ZPR1: variants seen among roughly 807,000 people sequenced by gnomAD.
ZPR1 encodes the protein ZPR1 zinc finger.
Under a neutral mutation model 59.6 loss-of-function variants are expected in ZPR1, and 37 were observed. The ratio of observed to expected loss-of-function variants is 0.62; its 90% CI spans 0.48 to 0.82. The LOEUF is 0.82. Ranked by LOEUF, ZPR1 falls within the 40% of genes least tolerant of loss-of-function variation. The probability of loss-of-function intolerance (pLI) is 0.00; values close to 1 mark genes in which losing one functional copy is unlikely to be tolerated. For synonymous variants in ZPR1, 191 were observed against 215.2 expected, an observed-to-expected ratio of 0.89 and a Z score of 0.99; for missense variants, 527 against 579.9, an observed-to-expected ratio of 0.91 and a Z score of 0.94.
chr11:116,784,704 A>T (rs1024160044), intron 8 of ZPR1, 151 bp downstream of exon 8: 6 of 942,774 alleles, frequency 6.4e-6, no homozygotes, highest in Non-Finnish European at 1.0e-5. Flanking sequence ...TTGAACACAA[A>T]ACCCAAGGTA....
In ZPR1 at chr11:116,775,456, CA is replaced by C. The variant is rs556748837; in HGVS notation, c.*3468del. 0.034 allele frequency: 2,315 copies of C among 68,002 alleles called. 43 individuals carry two copies. Among genetic ancestry groups the C allele is most frequent in the African/African-American group, 0.1 (2,000 of 19,348 alleles). The allele number at this position is 68,002 out of a possible 1,614,324, so 4.2% of individuals were successfully genotyped here. ...CTGGGTGACAGAGCAAGACTGTCTCCAAAAAAAAAAAAAAAAAAAAAATTAG... is the reference window on the plus strand; with the variant it reads ...CTGGGTGACAGAGCAAGACTGTCTCCAAAAAAAAAAAAAAAAAAAAATTAG... On this transcript the variant is annotated 3_prime_UTR_variant, in exon 14 of 14. Coordinates refer to ENST00000227322, the MANE Select transcript of ZPR1 (RefSeq NM_003904.5).
At chr11:116,786,721 C>A in intron 3 of ZPR1, 140 bp from the exon 4 acceptor site, 1 of 750,806 alleles carries the variant, frequency 1.3e-6, no homozygotes, top group South Asian at 1.6e-5. Context: ...GTGCAAGGTT[C>A]CATTCATGTC....
chr11:116,785,953 G>A, intron 4 of ZPR1, 71 bp from the exon 5 acceptor site: 1 of 1,363,200 alleles, frequency 7.3e-7, no homozygotes, highest in South Asian at 1.2e-5. Flanking sequence ...TCATGCCCAT[G>A]TTACTTCCAT....
chr11:116,782,597 C>A (rs963334880), intron 11 of ZPR1, among the ~76,000 whole-genome samples: 1 of 152,168 alleles, frequency 6.6e-6, no homozygotes, highest in Non-Finnish European at 1.5e-5. Context: ...GCTAAGTCAA[C>A]CCATACATGT....
At chr11:116,786,427 TAGTC>T (rs1940887156) in intron 4 of ZPR1, 80 bp downstream of exon 4, 15 of 1,492,600 alleles carry the variant, frequency 1.0e-5, no homozygotes, top group African/African-American at 1.4e-5. Flanking sequence ...TTCCAACACT[TAGTC>T]AGAGACTCTT....
chr11:116,784,307 T>A lies in ZPR1; in HGVS notation c.891+71A>T, dbSNP rs977884313. On this transcript the variant is annotated intron_variant, in intron 9 of 13. Transcript: ENST00000227322. ...CCCTGCCCCCGAGTACTGAAGTACTTAGGAAGAATGATAGTTAAAAGGGGG... is the reference window on the plus strand; with the variant it reads ...CCCTGCCCCCGAGTACTGAAGTACTAAGGAAGAATGATAGTTAAAAGGGGG... 7 of 1,533,368 alleles carry A rather than the reference T, an allele frequency of 4.6e-6. No individual in the cohort carries two copies. In the Admixed American group the frequency reaches 1.0e-4, roughly 22 times the overall value. 95.0% of individuals were successfully genotyped at this position (1,533,368 alleles called of 1,614,324 possible).
At chr11:116,786,451 G>A in intron 4 of ZPR1, 60 bp downstream of exon 4, 2 of 1,586,644 alleles carry the variant, frequency 1.3e-6, no homozygotes, top group East Asian at 2.2e-5. Context: ...TCAGACACAT[G>A]GGACACTCTA....
chr11:116,787,839 C>A lies in ZPR1; in HGVS notation c.152G>T (p.Cys51Phe). Reference sequence around the variant, plus strand: ...CCTCACATTGCAGTAACAGTTCATGCATAGCGACTCGATCTCGGTGGGCTG... The same window carrying A: ...CCTCACATTGCAGTAACAGTTCATGAATAGCGACTCGATCTCGGTGGGCTG... ...EQQPTEIESL[C>F]MNCYCNGMTR... is the part of the protein sequence containing the mutation. The change falls in exon 1 of 14, where the codon TGC becomes TTC. Residue 51 changes from cysteine to phenylalanine, a missense_variant. By Grantham distance (205) the Cys-to-Phe change is radical (BLOSUM62 -2). Transcript: ENST00000227322. 6.4e-7 allele frequency: 1 copy of A among 1,558,512 alleles called. No homozygotes were observed. The highest frequency in any genetic ancestry group is 1.4e-5 in the African/African-American group (1 of 73,544).
chr11:116,786,606 G>A (rs781238239), intron 3 of ZPR1, 25 bp from the exon 4 acceptor site: 3 of 1,602,494 alleles, frequency 1.9e-6, no homozygotes, highest in East Asian at 4.5e-5. Flanking sequence ...CAAAAGACAA[G>A]TGTGACTTAG....
chr11:116,786,628 C>T (rs1418413685), intron 3 of ZPR1, 47 bp from the exon 4 acceptor site: 1 of 1,531,996 alleles, frequency 6.5e-7, no homozygotes, highest in Non-Finnish European at 9.0e-7. Context: ...CTCAGCTCTG[C>T]TATCAAGTCC....
Position 116,787,576 on chromosome 11 carries a change from C to A in ZPR1, c.239G>T (p.Cys80Phe). The part of the protein sequence containing the change: ...FREIIVSSFS[C>F]EHCGWNNTEI... ...CGTGTTGTTCCAGCCACAGTGCTCG[C>A]AGGAAAAGGAGCTCACTATTATTTC... The change falls in exon 2 of 14, where the codon TGC (cysteine) becomes TTC (phenylalanine). Residue 80 changes from cysteine (C) to phenylalanine (F), a missense_variant. Cys to Phe is a radical substitution (Grantham distance 205). Coordinates refer to ENST00000227322, the MANE Select transcript of ZPR1 (RefSeq NM_003904.5). 6.2e-7 allele frequency: 1 copy of A among 1,614,230 alleles called. No individual in the cohort carries two copies. Among genetic ancestry groups the A allele is most frequent in the South Asian group, 1.1e-5 (1 of 91,088 alleles).
intron 13 of ZPR1, among the ~76,000 whole-genome samples, 162 bp downstream of exon 13, chr11:116,779,610 C>T (rs1940773932): frequency 6.6e-6 from 1 of 151,928 alleles, no homozygotes; most frequent in Non-Finnish European, 1.5e-5. Flanking sequence ...AATCCCCTCC[C>T]ACACCCCCCT....
At chr11:116,784,476 T>C in intron 8 of ZPR1, 28 bp from the exon 9 acceptor site, 1 of 1,608,554 alleles carries the variant, frequency 6.2e-7, no homozygotes, top group Non-Finnish European at 8.5e-7. Context: ...GGAAATCTAC[T>C]TCCAGGCGAA....
intron 12 of ZPR1, among the ~76,000 whole-genome samples, chr11:116,780,264 GGGGT>G (rs1940786810): frequency 1.3e-5 from 2 of 149,970 alleles, no homozygotes; most frequent in African/African-American, 4.9e-5. Flanking sequence ...TGTGGACTAG[GGGGT>G]GCTGGCCCAG....
At chr11:116,782,131 A>T in intron 12 of ZPR1, 27 bp downstream of exon 12, 1 of 1,592,490 alleles carries the variant, frequency 6.3e-7, no homozygotes, top group South Asian at 1.1e-5. Context: ...CAGGATTCTA[A>T]GTACTGACTG....
At position 116,779,049 on chromosome 11, in the gene ZPR1, G is replaced by A. The variant is rs144966144; in HGVS notation, c.1256C>T (p.Ala419Val). ...CTTCATCTCAGGATCATCTTCAGGC[G>A]CATACACATTCTGCAAGGTCAAGGA... ...AGNSYLQNVY[A>V]PEDDPEMKVE... Residue 419 changes from alanine to valine, a missense_variant, in exon 14 of 14, where the codon GCG (alanine) becomes GTG (valine). Physicochemically the swap from Ala to Val is moderately conservative, Grantham distance 64. Transcript: ENST00000227322. 1,983 of 1,614,048 alleles carry A rather than the reference G, an allele frequency of 1.2e-3. 50 individuals are homozygous for A. The Admixed American group carries it at 0.031, about 25-fold the overall frequency.
rs1441082147 is a variant in ZPR1 at position 116,787,943 on chromosome 11, G to T, written c.48C>A (p.Val16=). 3 of 1,471,116 alleles carry T rather than the reference G, an allele frequency of 2.0e-6. No individual in the cohort carries two copies. The highest frequency in any genetic ancestry group is 2.7e-6 in the Non-Finnish European group (3 of 1,119,354). 91.1% of individuals were successfully genotyped at this position (1,471,116 alleles called of 1,614,324 possible). Residue 16 remains valine, a synonymous_variant, in exon 1 of 14, where the codon GTC becomes GTA. Transcript: ENST00000227322. ...AVEPGPPGAA[V]APSPAPAPPP... ...GCGGGGCCGGGGCGGGCGACGGGGCGACGGCAGCCCCCGGGGGCCCTGGTT... is the reference window on the plus strand; with the variant it reads ...GCGGGGCCGGGGCGGGCGACGGGGCTACGGCAGCCCCCGGGGGCCCTGGTT...
chr11:116,786,147 C>T (rs1212061524), intron 4 of ZPR1, among the ~76,000 whole-genome samples: 2 of 152,142 alleles, frequency 1.3e-5, no homozygotes, highest in African/African-American at 4.8e-5. Flanking sequence ...TATATCAGTC[C>T]TCTCATGGGA....
At position 116,787,952 on chromosome 11, in the gene ZPR1, C is replaced by A. The variant is rs1179116984; in HGVS notation, c.39G>T (p.Gly13=). 6.2e-6 allele frequency: 9 copies of A among 1,457,376 alleles called. No homozygotes were observed. The East Asian group carries it at 8.1e-5, about 13-fold the overall frequency. The allele number at this position is 1,457,376 out of a possible 1,614,324, so 90.3% of individuals were successfully genotyped here. The stretch of plus-strand genomic sequence containing the variant: ...GGGCGGGCGACGGGGCGACGGCAGC[C>A]CCCGGGGGCCCTGGTTCCACAGCCC... ...ASGAVEPGPP[G]AAVAPSPAPA... The change falls in exon 1 of 14, where the codon GGG becomes GGT. Residue 13 remains glycine, a synonymous_variant. Transcript: ENST00000227322.
Sources: gnomAD v4.1 joint callset for allele counts (sites outside exome capture counted in the v4.1 genomes callset) on GRCh38, gnomAD v4.1.1 for gene constraint, MANE v1.5 for transcripts, NCBI Gene and HGNC (gene_info 2026-07-23, HGNC 2026-07-21) for gene names.